SLC16A4: variants seen among roughly 807,000 people sequenced by gnomAD.
SLC16A4 encodes solute carrier family 16 member 4.
A neutral mutation model predicts 47.9 loss-of-function variants in SLC16A4; 39 were observed. That is an observed-to-expected ratio of 0.81 (90% CI 0.63 to 1.06). SLC16A4 has a LOEUF of 1.06. SLC16A4 is among the 50% of genes least tolerant of loss of function. The probability of loss-of-function intolerance (pLI) is 0.00; values close to 1 mark genes in which losing one functional copy is unlikely to be tolerated. For synonymous variants in SLC16A4, 189 were observed against 199.9 expected (o/e 0.95, Z 0.46); for missense variants, 524 against 573.8 (o/e 0.91, Z 0.89).
intron 7 of SLC16A4, 45 bp from the exon 8 acceptor site, chr1:110,375,596 T>C: frequency 9.3e-7 from 1 of 1,070,148 alleles, no homozygotes; most frequent in South Asian, 1.3e-5. Context: ...AGGGTGAAAT[T>C]CTATAGAGAC....
chr1:110,373,910 C>T (rs1167299295), intron 8 of SLC16A4, among the ~76,000 whole-genome samples: 2 of 149,990 alleles, frequency 1.3e-5, no homozygotes, highest in Non-Finnish European at 3.0e-5. Context: ...CTCCTGGACT[C>T]ACACAATCCT....
intron 1 of SLC16A4, among the ~76,000 whole-genome samples, chr1:110,390,397 C>G (rs1389068180): frequency 6.6e-6 from 1 of 152,056 alleles, no homozygotes; most frequent in Non-Finnish European, 1.5e-5. Flanking sequence ...ACAGACATGA[C>G]AACGAAATGC....
chr1:110,382,537 C>T (rs546371730), intron 3 of SLC16A4, among the ~76,000 whole-genome samples: 3 of 152,138 alleles, frequency 2.0e-5, no homozygotes, highest in East Asian at 1.9e-4. Flanking sequence ...AGGTTGAGGG[C>T]CTTACTCATT....
At chr1:110,389,178 C>T in intron 2 of SLC16A4, 59 bp downstream of exon 2, 1 of 1,382,308 alleles carries the variant, frequency 7.2e-7, no homozygotes, top group East Asian at 2.3e-5. Context: ...AGCTCTGAGC[C>T]TTTCTCCAGA....
intron 7 of SLC16A4, 45 bp from the exon 8 acceptor site, chr1:110,375,596 T>G: frequency 9.3e-7 from 1 of 1,070,148 alleles, no homozygotes. Context: ...AGGGTGAAAT[T>G]CTATAGAGAC....
At chr1:110,364,053 A>G in intron 8 of SLC16A4, 160 bp from the exon 9 acceptor site, 2 of 595,104 alleles carry the variant, frequency 3.4e-6, no homozygotes, top group Non-Finnish European at 2.6e-6. Flanking sequence ...AAGTTGAATC[A>G]GCTCCACCTG....
intron 8 of SLC16A4, chr1:110,372,949 G>A (rs1177459456): frequency 6.7e-6 from 1 of 149,842 alleles, no homozygotes; most frequent in East Asian, 1.9e-4. Context: ...CATTACATAG[G>A]TGTGTGTGTG....
chr1:110,383,204 G>A (rs1662520873), intron 2 of SLC16A4, among the ~76,000 whole-genome samples: 1 of 152,188 alleles, frequency 6.6e-6, no homozygotes, highest in Non-Finnish European at 1.5e-5. Flanking sequence ...GAATAGGCAT[G>A]CCAATGTTGT....
rs1351099765 is a variant in SLC16A4, at chr1:110,363,683, G to A, written c.*83C>T. On this transcript the variant is annotated 3_prime_UTR_variant, in exon 9 of 9. Coordinates refer to ENST00000369779, the MANE Select transcript of SLC16A4 (RefSeq NM_004696.3). ...CATGTTACAAATGTAGATGCGATGT[G>A]TTTCTTTCAAGCTTTTGTTTCCAAT... 118 of 1,288,560 alleles carry A rather than the reference G, an allele frequency of 9.2e-5. No individual in the cohort carries two copies. In the East Asian group the frequency reaches 2.9e-3, roughly 32 times the overall value. The allele number at this position is 1,288,560 out of a possible 1,614,324, so 79.8% of individuals were successfully genotyped here.
Position 110,390,890 on chromosome 1 carries a change from A to G in SLC16A4, c.-58T>C, listed in dbSNP as rs1488990970. On this transcript the variant is annotated 5_prime_UTR_variant, in exon 1 of 9. Coordinates refer to ENST00000369779, the MANE Select transcript of SLC16A4 (RefSeq NM_004696.3). ...CTTTGATGTGGTGTTCAGCAAAGAA[A>G]TCCTCCACAGATGGGGCAATTAAGG... 2 of 152,198 alleles carry G rather than the reference A, an allele frequency of 1.3e-5. No homozygotes were observed. Among genetic ancestry groups the G allele is most frequent in the Non-Finnish European group, 2.9e-5 (2 of 68,024 alleles). The allele number at this position is 152,198 out of a possible 1,614,324, so 9.4% of individuals were successfully genotyped here.
intron 2 of SLC16A4, among the ~76,000 whole-genome samples, chr1:110,384,665 G>A (rs552500275): frequency 2.0e-5 from 3 of 152,160 alleles, no homozygotes; most frequent in African/African-American, 4.8e-5. Context: ...GTTTCGTAGC[G>A]TTGGCTTTTC....
intron 2 of SLC16A4, 143 bp from the exon 3 acceptor site, chr1:110,383,109 T>G (rs529925942): frequency 1.7e-6 from 1 of 587,752 alleles, no homozygotes; most frequent in Non-Finnish European, 2.8e-6. Context: ...ATACATCTTA[T>G]ATTTTATGGG....
intron 6 of SLC16A4, among the ~76,000 whole-genome samples, 176 bp downstream of exon 6, chr1:110,378,675 CAG>C (rs1662162114): frequency 6.6e-6 from 1 of 152,342 alleles, no homozygotes; most frequent in African/African-American, 2.4e-5. Context: ...TGTGCAGTGA[CAG>C]AGATCTCTTC....
intron 2 of SLC16A4, among the ~76,000 whole-genome samples, chr1:110,389,003 C>A (rs1407701339): frequency 6.6e-6 from 1 of 152,240 alleles, no homozygotes; most frequent in Non-Finnish European, 1.5e-5. Flanking sequence ...AGCCCCCACA[C>A]CCAGCCCAGG....
intron 8 of SLC16A4, chr1:110,370,566 A>G (rs1280350165): frequency 6.6e-6 from 1 of 150,630 alleles, no homozygotes; most frequent in Non-Finnish European, 1.5e-5. Flanking sequence ...GAATGAATAT[A>G]TATTTTAGCA....
intron 5 of SLC16A4, among the ~76,000 whole-genome samples, 160 bp downstream of exon 5, chr1:110,380,822 G>T (rs1404809292): frequency 1.3e-5 from 2 of 152,176 alleles, no homozygotes; most frequent in African/African-American, 2.4e-5. Context: ...ATTCTCCAGG[G>T]AAGAGAAGCA....
chr1:110,363,575 G>A lies in SLC16A4; in HGVS notation c.*191C>T, dbSNP rs143534125. 4.8e-3 allele frequency: 1,844 copies of A among 386,094 alleles called. 13 individuals are homozygous for A. Among genetic ancestry groups the A allele is most frequent in the African/African-American group, 0.019 (870 of 46,354 alleles). The allele number at this position is 386,094 out of a possible 1,614,324, so 23.9% of individuals were successfully genotyped here. A position where few individuals can be genotyped will look rare whatever the true frequency, so the allele number is the denominator to read the frequency against. On this transcript the variant is annotated 3_prime_UTR_variant, in exon 9 of 9. Coordinates refer to ENST00000369779, the MANE Select transcript of SLC16A4 (RefSeq NM_004696.3). ...CAGGAGGCGGAGATTACAGTGAGCC[G>A]AGATTGCGCCACTGCACTCCAGCCT...
At chr1:110,376,402 A>T (rs1193791079) in intron 7 of SLC16A4, among the ~76,000 whole-genome samples, 1 of 152,168 alleles carries the variant, frequency 6.6e-6, no homozygotes, top group African/African-American at 2.4e-5. Context: ...TGAGACTCCC[A>T]GGGGTTCCCA....
chr1:110,379,438 C>A (rs1009634309), intron 5 of SLC16A4, 82 bp from the exon 6 acceptor site: 83 of 1,292,600 alleles, frequency 6.4e-5, no homozygotes, highest in Non-Finnish European at 8.6e-5. Flanking sequence ...AGAAGAGGCC[C>A]CACTGGCATA....
Sources: allele counts gnomAD v4.1 joint callset (sites outside exome capture counted in the v4.1 genomes callset), GRCh38; gene constraint gnomAD v4.1.1; transcripts MANE v1.5; gene names NCBI Gene and HGNC (gene_info 2026-07-23, HGNC 2026-07-21).